Variants in DICER1 observed in about 807,000 individuals in gnomAD.
DICER1 encodes the protein endoribonuclease Dicer.
A neutral mutation model predicts 194.1 loss-of-function variants in DICER1; 43 were observed. The observed-to-expected ratio is 0.22, with a 90% CI of 0.17 to 0.29. DICER1 has a LOEUF of 0.29. DICER1 is among the 10% of genes least tolerant of loss of function. The pLI is 1.00. For missense variants in DICER1, 1,608 were observed against 2,317.0 expected (o/e 0.69, Z 6.28); for synonymous variants, 832 against 820.5 (o/e 1.01, Z -0.24).
rs1555370761 is a variant in DICER1 at position 95,107,907 on chromosome 14, C to A, written c.2623G>T (p.Ala875Ser). 2 of 1,613,940 alleles carry A rather than the reference C, an allele frequency of 1.2e-6. No individual in the cohort carries two copies. The highest frequency in any genetic ancestry group is 1.7e-6 in the Non-Finnish European group (2 of 1,179,884). Residue 875 changes from alanine (A) to serine (S), a missense_variant, in exon 16 of 27, where the codon GCA becomes TCA. Physicochemically the swap from Ala to Ser is moderately conservative, Grantham distance 99. Around this residue, in one of 10 missense-constraint regions of DICER1, gnomAD observed 150 missense variants for 216.0 expected, o/e 0.69. Coordinates refer to ENST00000343455, the MANE Select transcript of DICER1 (RefSeq NM_177438.3). ...ACATTAAGAGGTAGAACACAGTATG[C>A]TGAATCAGCGTCTGTAGGTTTAAAT... is the stretch of plus-strand genomic sequence containing the variant. The part of the protein sequence containing the change: ...LEFKPTDADS[A>S]YCVLPLNVVN...
At chr14:95,101,319 TAGA>T (rs1595358275) in intron 21 of DICER1, among the ~76,000 whole-genome samples, 2 of 151,998 alleles carry the variant, frequency 1.3e-5, no homozygotes, top group South Asian at 4.1e-4. Context: ...AAATAAGGAG[TAGA>T]AGGTTTCTGA....
At chr14:95,128,930 A>G (rs1365661761) in intron 6 of DICER1, 1 of 151,970 alleles carries the variant, frequency 6.6e-6, no homozygotes, top group East Asian at 1.9e-4. Context: ...AACCTAAGTT[A>G]TGAAGGTTTT....
Position 95,096,206 on chromosome 14 carries a change from T to C in DICER1, c.4714A>G (p.Thr1572Ala). The change falls in exon 23 of 27, where the codon ACC (threonine) becomes GCC (alanine). Residue 1572 changes from threonine to alanine, a missense_variant. Thr to Ala is a moderately conservative substitution (Grantham distance 58, BLOSUM62 0). Transcript: ENST00000343455. ...TGAGCAGCCCTCTCCCCACAGCTGG[T>C]TAAATAGCAGCCCAGCAGGGCTTCC... is the stretch of plus-strand genomic sequence containing the variant. ...CVEALLGCYL[T>A]SCGERAAQLF... 6.2e-7 allele frequency: 1 copy of C among 1,614,206 alleles called. No homozygotes were observed. The highest frequency in any genetic ancestry group is 8.5e-7 in the Non-Finnish European group (1 of 1,180,036).
At chr14:95,092,580 C>A (rs2139795967) in intron 24 of DICER1, among the ~76,000 whole-genome samples, 1 of 152,218 alleles carries the variant, frequency 6.6e-6, no homozygotes, top group East Asian at 1.9e-4. Flanking sequence ...AAGTTTAATT[C>A]TCTCTTTTTA....
In DICER1 at chr14:95,133,421, C is replaced by A. The variant is rs1060503610; in HGVS notation, c.38G>T (p.Gly13Val). 6.2e-7 allele frequency: 1 copy of A among 1,613,988 alleles called. No individual in the cohort carries two copies. Among genetic ancestry groups the A allele is most frequent in the Non-Finnish European group, 8.5e-7 (1 of 1,179,942 alleles). The change falls in exon 2 of 27, where the codon GGC becomes GTC. Residue 13 changes from glycine (G) to valine (V), a missense_variant. Transcript: ENST00000343455. The part of the protein sequence containing the change: ...SPALQPLSMA[G>V]LQLMTPASSP... ...GGAAGCAGGGGTCATGAGCTGCAGG[C>A]CTGCCATGCTGAGGGGTTGCAAAGC...
chr14:95,091,288 C>A lies in DICER1; in HGVS notation c.5442G>T (p.Ser1814=), dbSNP rs759875628. Residue 1814 remains serine (S), a synonymous_variant, in exon 25 of 27, where the codon TCG becomes TCT. Transcript: ENST00000343455. ...VPKAMGDIFE[S]LAGAIYMDSG... ...TATCCATGTAAATGGCACCAGCAAG[C>A]GACTCAAAAATATCCCCCATGGCCT... is the stretch of plus-strand genomic sequence containing the variant. The A allele has an allele frequency of 1.1e-5, 17 of 1,614,032 alleles. No individual in the cohort carries two copies. The highest frequency in any genetic ancestry group is 5.9e-6 in the Non-Finnish European group (7 of 1,179,982).
chr14:95,139,617 G>GTA (rs1361531120), intron 1 of DICER1, among the ~76,000 whole-genome samples: 1 of 152,128 alleles, frequency 6.6e-6, no homozygotes, highest in African/African-American at 2.4e-5. Flanking sequence ...ACAATGTTCT[G>GTA]TATATACATT....
At chr14:95,126,991 A>G (rs1566807571) in intron 6 of DICER1, among the ~76,000 whole-genome samples, 1 of 152,204 alleles carries the variant, frequency 6.6e-6, no homozygotes. Context: ...AGATGTTTTC[A>G]AAAGGCAAGG....
chr14:95,153,159 G>A (rs1183449556), intron 1 of DICER1, among the ~76,000 whole-genome samples: 8 of 151,384 alleles, frequency 5.3e-5, no homozygotes, highest in African/African-American at 1.2e-4. Flanking sequence ...GGAGCTTGCC[G>A]TGAGCTGAGA....
At chr14:95,120,645 G>A (rs552219026) in intron 8 of DICER1, among the ~76,000 whole-genome samples, 28 of 152,202 alleles carry the variant, frequency 1.8e-4, no homozygotes, top group African/African-American at 6.3e-4. Context: ...TGCTAAACTC[G>A]AAGAGCTCCC....
chr14:95,122,336 A>G (rs569902420), intron 8 of DICER1, among the ~76,000 whole-genome samples: 52 of 152,328 alleles, frequency 3.4e-4, no homozygotes, highest in African/African-American at 1.1e-3. Context: ...CAAGCCCCAG[A>G]AAATTTATTT....
intron 21 of DICER1, among the ~76,000 whole-genome samples, chr14:95,102,962 C>G (rs904064409): frequency 6.6e-6 from 1 of 152,208 alleles, no homozygotes; most frequent in Non-Finnish European, 1.5e-5. Flanking sequence ...CGTACCCTCT[C>G]AAATAAATGT....
chr14:95,109,937 C>T (rs893611520), intron 14 of DICER1, among the ~76,000 whole-genome samples: 15 of 152,098 alleles, frequency 9.9e-5, no homozygotes, highest in Non-Finnish European at 1.3e-4. Context: ...TATTACTGTG[C>T]CTAATTTATA....
rs1273786688 is a variant in DICER1, at chr14:95,086,780, A to C, written c.*3718T>G. On this transcript the variant is annotated 3_prime_UTR_variant, in exon 27 of 27. Transcript: ENST00000343455. ...CTTAAACATATCTTTAAAACTTTTC[A>C]TGTACAATATAAAATAAAGAAATTT... The C allele has an allele frequency of 8.6e-6, 2 of 232,370 alleles. No individual in the cohort carries two copies. Among genetic ancestry groups the C allele is most frequent in the East Asian group, 6.1e-5 (1 of 16,348 alleles). The allele number at this position is 232,370 out of a possible 1,614,324, so 14.4% of individuals were successfully genotyped here.
intron 17 of DICER1, among the ~76,000 whole-genome samples, chr14:95,107,253 A>AT (rs111794316): frequency 0.19 from 27,408 of 143,006 alleles, 2,787 homozygotes; most frequent in East Asian, 0.37. Flanking sequence ...GAATAAGTGA[A>AT]TTTTTTTTTT....
At chr14:95,107,490 T>C in intron 17 of DICER1, 118 bp downstream of exon 17, 2 of 949,472 alleles carry the variant, frequency 2.1e-6, no homozygotes, top group Non-Finnish European at 3.4e-6. Flanking sequence ...GACCTCATGA[T>C]CTGCCCGCCT....
Position 95,117,773 on chromosome 14 carries a change from T to C in DICER1, c.1377-19A>G, listed in dbSNP as rs1163679027. The stretch of plus-strand genomic sequence containing the variant: ...TATCAATCTAAGAAAATTATACACA[T>C]TTGGAAGTTAAACGTTGCTGAAAGA... On this transcript the variant is annotated intron_variant, in intron 8 of 26. Transcript: ENST00000343455. 1.2e-6 allele frequency: 2 copies of C among 1,612,718 alleles called. No homozygotes were observed. Among genetic ancestry groups the C allele is most frequent in the South Asian group, 1.1e-5 (1 of 90,890 alleles).
At position 95,104,263 on chromosome 14, in the gene DICER1, A is replaced by G. The variant is rs73329775; in HGVS notation, c.3270-137T>C. 1.7e-3 allele frequency: 1,234 copies of G among 733,492 alleles called. 12 individuals carry two copies. The African/African-American group carries it at 0.02, about 12-fold the overall frequency. 45.4% of individuals were successfully genotyped at this position (733,492 alleles called of 1,614,324 possible). ...AACTTTAGAATAGAAGCAAGTTTCC[A>G]AATTTTTAATTTACAGTGTAAATTA... On this transcript the variant is annotated intron_variant, in intron 20 of 26. Coordinates refer to ENST00000343455, the MANE Select transcript of DICER1 (RefSeq NM_177438.3).
chr14:95,142,022 T>TTA, intron 1 of DICER1, among the ~76,000 whole-genome samples: 1 of 152,248 alleles, frequency 6.6e-6, no homozygotes, highest in Non-Finnish European at 1.5e-5. Context: ...TTAAAAATAC[T>TTA]TAAACACTAT....
Sources: gnomAD v4.1 joint callset for allele counts (sites outside exome capture counted in the v4.1 genomes callset) on GRCh38, gnomAD v4.1.1 for gene constraint, gnomAD v4.1.1 regional missense constraint, MANE v1.5 for transcripts, NCBI Gene and HGNC (gene_info 2026-07-23, HGNC 2026-07-21) for gene names.